The following DCC variants were observed in gnomAD, a reference collection of about 807,000 sequenced individuals.
DCC encodes the protein netrin receptor DCC.
Under a neutral mutation model 172.5 loss-of-function variants are expected in DCC, and 58 were observed. The ratio of observed to expected loss-of-function variants is 0.34; its 90% confidence interval spans 0.27 to 0.42. DCC has a LOEUF of 0.42. DCC is among the 10% of genes least tolerant of loss of function. The pLI is 1.00. For missense variants in DCC, 1,740 were observed against 1,791.0 expected (o/e 0.97, Z 0.51); for synonymous variants, 709 against 644.5 (o/e 1.10, Z -1.52).
At chr18:53,081,458 G>C (rs370286538) in intron 7 of DCC, among the ~76,000 whole-genome samples, 1 of 151,854 alleles carries the variant, frequency 6.6e-6, no homozygotes, top group Non-Finnish European at 1.5e-5. Flanking sequence ...ATATCACCTA[G>C]GGAAAGCAGT....
intron 2 of DCC, among the ~76,000 whole-genome samples, chr18:52,861,031 A>AT (rs2039134988): frequency 6.8e-6 from 1 of 147,122 alleles, no homozygotes; most frequent in African/African-American, 2.5e-5. Flanking sequence ...AAAAAAAAAA[A>AT]TTTTGGCTTC....
intron 7 of DCC, among the ~76,000 whole-genome samples, chr18:53,154,640 A>G (rs753265216): frequency 6.6e-6 from 1 of 152,184 alleles, no homozygotes; most frequent in Non-Finnish European, 1.5e-5. Flanking sequence ...GAAGCATGGC[A>G]GTGGAGACGC....
At chr18:52,709,720 T>C (rs1039336293) in intron 1 of DCC, among the ~76,000 whole-genome samples, 1 of 152,228 alleles carries the variant, frequency 6.6e-6, no homozygotes, top group African/African-American at 2.4e-5. Flanking sequence ...GGAATCATTA[T>C]GCAGCAAAAT....
rs117118423 is a variant in DCC at position 52,577,285 on chromosome 18, A to T, written c.92-174769A>T. Among the ~76,000 whole-genome samples, 24 of 152,312 alleles carry T rather than the reference A, an allele frequency of 1.6e-4. No individual in the cohort carries two copies. In the East Asian group the frequency reaches 4.6e-3, roughly 29 times the overall value. On this transcript the variant is annotated intron_variant, in intron 1 of 28. Coordinates refer to ENST00000442544, the MANE Select transcript of DCC (RefSeq NM_005215.4). The stretch of plus-strand genomic sequence containing the variant: ...GGAAGGGTAATGATATCTCTAGGTG[A>T]CTTTTAATTTGCATTTACTAATCAC...
chr18:52,947,786 C>G (rs748048998), intron 5 of DCC, among the ~76,000 whole-genome samples: 1 of 152,128 alleles, frequency 6.6e-6, no homozygotes, highest in Non-Finnish European at 1.5e-5. Flanking sequence ...AAGTCCATTC[C>G]CAGTGCAGGA....
intron 1 of DCC, among the ~76,000 whole-genome samples, chr18:52,734,586 T>C (rs2036696034): frequency 6.6e-6 from 1 of 152,246 alleles, no homozygotes; most frequent in South Asian, 2.1e-4. Flanking sequence ...TCTGAGTTTC[T>C]CTGGCCCTGC....
intron 5 of DCC, among the ~76,000 whole-genome samples, chr18:53,047,373 T>TAAC (rs2042263004): frequency 8.1e-6 from 1 of 124,200 alleles, no homozygotes; most frequent in Non-Finnish European, 1.7e-5. Flanking sequence ...TAAAATAATA[T>TAAC]ATACTTTATA....
intron 1 of DCC, among the ~76,000 whole-genome samples, chr18:52,484,213 G>A (rs2030095240): frequency 6.6e-6 from 1 of 152,080 alleles, no homozygotes; most frequent in Non-Finnish European, 1.5e-5. Flanking sequence ...CCTGCTCAAA[G>A]GTAATTTATC....
At chr18:53,385,959 T>C (rs1908133133) in intron 15 of DCC, 84 bp from the exon 16 acceptor site, 1 of 911,384 alleles carries the variant, frequency 1.1e-6, no homozygotes. Flanking sequence ...TATATGAAAT[T>C]TGTTTTGAGG....
At chr18:52,848,097 T>C (rs2145333865) in intron 2 of DCC, among the ~76,000 whole-genome samples, 2 of 150,836 alleles carry the variant, frequency 1.3e-5, no homozygotes, top group Non-Finnish European at 3.0e-5. Context: ...TTTTTTTTTT[T>C]TTTTTTGAGA....
chr18:52,361,536 C>T (rs1984618319), intron 1 of DCC, among the ~76,000 whole-genome samples: 1 of 152,202 alleles, frequency 6.6e-6, no homozygotes, highest in Non-Finnish European at 1.5e-5. Flanking sequence ...GCTAGGCATG[C>T]CTGTCTTCTA....
chr18:53,499,622 T>G, intron 27 of DCC, 112 bp downstream of exon 27: 1 of 901,928 alleles, frequency 1.1e-6, no homozygotes, highest in South Asian at 1.4e-5. Context: ...TCAATGCTGA[T>G]TACATGCCCA....
chr18:52,798,756 TC>T (rs1244573091), intron 2 of DCC, among the ~76,000 whole-genome samples: 1 of 17,554 alleles, frequency 5.7e-5, no homozygotes. Context: ...AAGTTTTGTA[TC>T]TTTTTTTTTT....
chr18:53,062,686 A>G (rs1049829642), intron 5 of DCC, among the ~76,000 whole-genome samples: 11 of 152,176 alleles, frequency 7.2e-5, no homozygotes, highest in African/African-American at 2.4e-4. Flanking sequence ...AAGAAATGGA[A>G]TTAAATTAGT....
intron 5 of DCC, among the ~76,000 whole-genome samples, chr18:53,010,518 T>C (rs144994608): frequency 1.3e-5 from 2 of 151,714 alleles, no homozygotes; most frequent in Admixed American, 6.6e-5. Flanking sequence ...AAGTAGAATA[T>C]ATAAGAAGTA....
intron 1 of DCC, among the ~76,000 whole-genome samples, chr18:52,541,885 A>AT (rs1568220141): frequency 1.4e-5 from 2 of 138,864 alleles, no homozygotes; most frequent in Non-Finnish European, 3.1e-5. Flanking sequence ...GTATATATAT[A>AT]TATATATATA....
At chr18:52,812,229 ATTAT>A (rs1426660505) in intron 2 of DCC, among the ~76,000 whole-genome samples, 1 of 151,548 alleles carries the variant, frequency 6.6e-6, no homozygotes, top group Non-Finnish European at 1.5e-5. Context: ...CCTTTCTGAT[ATTAT>A]TTTTGTTTTA....
intron 5 of DCC, among the ~76,000 whole-genome samples, chr18:53,016,276 T>C (rs143217844): frequency 1.3e-5 from 2 of 152,246 alleles, no homozygotes; most frequent in African/African-American, 4.8e-5. Flanking sequence ...AAGGGAAACA[T>C]ATTCCACTAA....
intron 12 of DCC, among the ~76,000 whole-genome samples, chr18:53,257,120 A>G (rs981578533): frequency 7.9e-5 from 12 of 152,118 alleles, no homozygotes; most frequent in African/African-American, 1.7e-4. Flanking sequence ...GGGCTGAGAC[A>G]ATGGGGTTTT....
Sources: gnomAD v4.1 joint callset for allele counts (sites outside exome capture counted in the v4.1 genomes callset) on GRCh38, gnomAD v4.1.1 for gene constraint, MANE v1.5 for transcripts, NCBI Gene and HGNC (gene_info 2026-07-23, HGNC 2026-07-21) for gene names.